Variants in STK3 observed in about 807,000 individuals in gnomAD.
STK3 encodes serine/threonine kinase 3, also known as serine/threonine-protein kinase 3.
STK3 carries 41 observed loss-of-function variants against 58.0 expected under a neutral mutation model. The ratio of observed to expected loss-of-function variants is 0.71; its 90% confidence interval spans 0.55 to 0.92. The LOEUF (loss-of-function observed/expected upper bound fraction) is 0.92. Among genes scored for constraint, STK3 ranks in the 40% least tolerant of loss-of-function variants. STK3 has a pLI of 0.00. For missense variants in STK3, 479 were observed against 602.7 expected, an observed-to-expected ratio of 0.79 and a Z score of 2.15; for synonymous variants, 170 against 191.0, an observed-to-expected ratio of 0.89 and a Z score of 0.91.
At chr8:98,832,480 G>A (rs1057337622) in intron 3 of STK3, among the ~76,000 whole-genome samples, 1 of 152,108 alleles carries the variant, frequency 6.6e-6, no homozygotes, top group African/African-American at 2.4e-5. Context: ...ATCCATGGTG[G>A]TCACTTACCA....
rs181288549 is a variant in STK3, at chr8:98,751,296, G to T, written c.237-1906C>A. 4.6e-5 allele frequency among the ~76,000 whole-genome samples: 7 copies of T among 152,250 alleles called. No homozygotes were observed. The East Asian group carries it at 1.4e-3, about 29-fold the overall frequency. On this transcript the variant is annotated intron_variant, in intron 3 of 10. Coordinates refer to ENST00000419617, the MANE Select transcript of STK3 (RefSeq NM_006281.4). ...AAAGAAATAAAGGTCATCCAAATAG[G>T]AAGAGAGGAAGTCAAACTACCCCTG...
Position 98,825,582 on chromosome 8 carries a change from G to A in STK3, c.-42C>T. On this transcript the variant is annotated 5_prime_UTR_variant, in exon 1 of 11. Coordinates refer to ENST00000419617, the MANE Select transcript of STK3 (RefSeq NM_006281.4). Reference sequence around the variant, plus strand: ...GAGAGGGACCTGGTGGACGGCGAAGGCCGAAAGGAGGAAAGGAGCCGGGGC... The same window carrying A: ...GAGAGGGACCTGGTGGACGGCGAAGACCGAAAGGAGGAAAGGAGCCGGGGC... 1 of 1,427,016 alleles carries A rather than the reference G, an allele frequency of 7.0e-7. No homozygotes were observed. The highest frequency in any genetic ancestry group is 9.2e-7 in the Non-Finnish European group (1 of 1,084,106). 88.4% of individuals were successfully genotyped at this position (1,427,016 alleles called of 1,614,324 possible). A position where few individuals can be genotyped will look rare whatever the true frequency, so the allele number is the denominator to read the frequency against.
intron 3 of STK3, chr8:98,427,574 G>GGCCCT (rs1185963542): frequency 1.7e-5 from 2 of 116,182 alleles, no homozygotes; most frequent in Admixed American, 1.0e-4. Flanking sequence ...GTGTCGGCCC[G>GGCCCT]GCCCTGCCCG....
chr8:98,736,911 C>T (rs1347006231), intron 4 of STK3, among the ~76,000 whole-genome samples: 1 of 152,018 alleles, frequency 6.6e-6, no homozygotes, highest in Non-Finnish European at 1.5e-5. Flanking sequence ...TCTAAACTGT[C>T]CATTACTCTG....
At chr8:98,635,104 T>C (rs951660424) in intron 6 of STK3, among the ~76,000 whole-genome samples, 2 of 152,048 alleles carry the variant, frequency 1.3e-5, no homozygotes, top group African/African-American at 2.4e-5. Flanking sequence ...TCTATAATAC[T>C]ACAGCCAGAA....
At chr8:98,494,018 T>A (rs1054883784) in intron 10 of STK3, among the ~76,000 whole-genome samples, 1 of 152,232 alleles carries the variant, frequency 6.6e-6, no homozygotes, top group Non-Finnish European at 1.5e-5. Flanking sequence ...GACTATGTCA[T>A]ATTGCAACAA....
chr8:98,771,873 C>A (rs1049613371), intron 2 of STK3, among the ~76,000 whole-genome samples: 1 of 152,180 alleles, frequency 6.6e-6, no homozygotes, highest in Non-Finnish European at 1.5e-5. Flanking sequence ...AGCGTGTAAG[C>A]CACTGCACCT....
intron 6 of STK3, chr8:98,603,106 A>C (rs926844757): frequency 2.0e-5 from 3 of 152,204 alleles, no homozygotes; most frequent in African/African-American, 7.2e-5. Context: ...GGAAACACTC[A>C]AAGATTAATG....
intron 10 of STK3, among the ~76,000 whole-genome samples, chr8:98,488,691 G>T (rs1418687157): frequency 6.6e-6 from 1 of 152,138 alleles, no homozygotes; most frequent in Non-Finnish European, 1.5e-5. Flanking sequence ...TAGCTGCAGG[G>T]TATGAGAAAG....
At chr8:98,432,569 C>T (rs1428895686) in intron 3 of STK3, 3 of 167,078 alleles carry the variant, frequency 1.8e-5, no homozygotes, top group African/African-American at 7.2e-5. Context: ...TTAACATTTG[C>T]ATTTGTTATT....
chr8:98,472,685 A>G (rs1198407886), intron 10 of STK3, among the ~76,000 whole-genome samples: 1 of 152,202 alleles, frequency 6.6e-6, no homozygotes, highest in East Asian at 1.9e-4. Flanking sequence ...GACTGAATGC[A>G]TTATGAATTA....
At chr8:98,414,856 G>A (rs757218700) in intron 3 of STK3, among the ~76,000 whole-genome samples, 2 of 152,092 alleles carry the variant, frequency 1.3e-5, no homozygotes, top group African/African-American at 4.8e-5. Context: ...CTGCACTATC[G>A]GAAGGATGTG....
intron 8 of STK3, among the ~76,000 whole-genome samples, chr8:98,549,864 C>T (rs1321359380): frequency 6.6e-6 from 1 of 152,088 alleles, no homozygotes; most frequent in African/African-American, 2.4e-5. Flanking sequence ...TAAAAATTAG[C>T]TGAACACGGT....
intron 10 of STK3, among the ~76,000 whole-genome samples, chr8:98,481,972 C>A (rs974585067): frequency 5.9e-5 from 9 of 152,118 alleles, no homozygotes; most frequent in African/African-American, 1.9e-4. Flanking sequence ...TGAATTCTCA[C>A]GTTTCTCACA....
chr8:98,711,345 G>C (rs1449859035), intron 4 of STK3, among the ~76,000 whole-genome samples: 1 of 152,032 alleles, frequency 6.6e-6, no homozygotes, highest in Admixed American at 6.6e-5. Context: ...CCGAGCTAAA[G>C]GAGAAGTACG....
intron 9 of STK3, among the ~76,000 whole-genome samples, chr8:98,539,738 G>A (rs1020857963): frequency 6.6e-6 from 1 of 151,908 alleles, no homozygotes; most frequent in Admixed American, 6.6e-5. Context: ...AAACATAACC[G>A]GTTATTTCTC....
intron 1 of STK3, among the ~76,000 whole-genome samples, chr8:98,923,718 T>C (rs1289014453): frequency 6.6e-6 from 1 of 152,056 alleles, no homozygotes; most frequent in Non-Finnish European, 1.5e-5. Flanking sequence ...ATTAAAAGTG[T>C]TGAAGTCTGG....
intron 2 of STK3, among the ~76,000 whole-genome samples, 166 bp downstream of exon 2, chr8:98,774,573 T>C (rs1348087712): frequency 1.3e-5 from 2 of 152,228 alleles, no homozygotes; most frequent in African/African-American, 2.4e-5. Context: ...TATTACCAGA[T>C]TTAGCACAAA....
chr8:98,650,793 G>A (rs1039768812), intron 6 of STK3, among the ~76,000 whole-genome samples: 1 of 152,188 alleles, frequency 6.6e-6, no homozygotes, highest in Non-Finnish European at 1.5e-5. Flanking sequence ...GGGGAGGGGC[G>A]CCTGCCATTG....
Sources: gnomAD v4.1 joint callset for allele counts (sites outside exome capture counted in the v4.1 genomes callset) on GRCh38, gnomAD v4.1.1 for gene constraint, MANE v1.5 for transcripts, NCBI Gene and HGNC (gene_info 2026-07-23, HGNC 2026-07-21) for gene names.